The following CNPY3 variants were observed in gnomAD, a reference collection of about 807,000 sequenced individuals.
CNPY3 encodes the protein canopy FGF signaling regulator 3.
A neutral mutation model predicts 32.0 loss-of-function variants in CNPY3; 20 were observed. The observed-to-expected ratio is 0.63, with a 90% confidence interval of 0.44 to 0.91. The LOEUF is 0.91. CNPY3 is among the 40% of genes least tolerant of loss of function. The pLI is 0.00. For synonymous variants in CNPY3, 138 were observed against 142.9 expected (o/e 0.97, Z 0.24); for missense variants, 299 against 340.8 (o/e 0.88, Z 0.97).
At chr6:42,934,373 T>C in intron 1 of CNPY3, 102 bp from the exon 2 acceptor site, 1 of 1,474,892 alleles carries the variant, frequency 6.8e-7, no homozygotes, top group Non-Finnish European at 9.4e-7. Context: ...ATTTTGGTCC[T>C]CCAGTCTAGG....
chr6:42,929,473 C>T, upstream of CNPY3: 1 of 1,281,930 alleles, frequency 7.8e-7, no homozygotes, highest in East Asian at 2.5e-5. Flanking sequence ...TGCTCGGAGG[C>T]ACGTGTGCAG....
intron 4 of CNPY3, 99 bp from the exon 5 acceptor site, chr6:42,937,991 C>T: frequency 6.9e-7 from 1 of 1,445,762 alleles, no homozygotes; most frequent in Non-Finnish European, 9.7e-7. Context: ...GAACCGCTGC[C>T]ACTGCCTACC....
At chr6:42,933,037 G>A (rs1193729812) in intron 1 of CNPY3, among the ~76,000 whole-genome samples, 1 of 152,150 alleles carries the variant, frequency 6.6e-6, no homozygotes, top group East Asian at 1.9e-4. Flanking sequence ...GCACATTTTG[G>A]GGACCCTTGT....
At chr6:42,934,669 C>T in intron 2 of CNPY3, 71 bp downstream of exon 2, 1 of 1,597,160 alleles carries the variant, frequency 6.3e-7, no homozygotes, top group Non-Finnish European at 8.6e-7. Flanking sequence ...GAGTTCCCTT[C>T]TCCTAGCTAG....
At chr6:42,936,079 C>A (rs1458438263) in intron 3 of CNPY3, among the ~76,000 whole-genome samples, 1 of 152,184 alleles carries the variant, frequency 6.6e-6, no homozygotes, top group Admixed American at 6.5e-5. Context: ...CCTCCCACAA[C>A]CCCGCTGGGA....
At chr6:42,928,669 C>T (rs72866049), upstream of CNPY3, among the ~76,000 whole-genome samples, 3,842 of 152,222 alleles carry the variant, frequency 0.025, 65 homozygotes, top group Non-Finnish European at 0.037. Flanking sequence ...AAGGGAGAGA[C>T]AATCGTTAAT....
intron 1 of CNPY3, among the ~76,000 whole-genome samples, chr6:42,933,911 C>G (rs1256034896): frequency 6.6e-6 from 1 of 152,190 alleles, no homozygotes; most frequent in Non-Finnish European, 1.5e-5. Context: ...TGGCTCACGC[C>G]TGTAATCCCA....
intron 3 of CNPY3, 28 bp downstream of exon 3, chr6:42,935,698 C>T (rs757029420): frequency 3.1e-6 from 5 of 1,597,950 alleles, no homozygotes; most frequent in Non-Finnish European, 3.4e-6. Context: ...CCTTCATCCG[C>T]TCTGGGGTCA....
upstream of CNPY3, chr6:42,929,439 C>A: frequency 2.1e-6 from 2 of 962,462 alleles, no homozygotes; most frequent in Non-Finnish European, 1.5e-6. Context: ...GGAGGGCGGG[C>A]GGGAGGCTAG....
upstream of CNPY3, chr6:42,929,442 G>C (rs1194009569): frequency 2.0e-6 from 2 of 991,124 alleles, no homozygotes; most frequent in Non-Finnish European, 2.9e-6. Context: ...GGGCGGGCGG[G>C]AGGCTAGCTG....
At position 42,938,183 on chromosome 6, in the gene CNPY3, C is replaced by A; in HGVS notation, c.589C>A (p.His197Asn). Residue 197 changes from histidine to asparagine, a missense_variant, in exon 5 of 6, where the codon CAC becomes AAC. By Grantham distance (68) the His-to-Asn change is moderately conservative. Coordinates refer to ENST00000372836, the MANE Select transcript of CNPY3 (RefSeq NM_006586.5). ...EDLTEFLCANHVLKGKDTSCL... is the reference protein window; with the variant it reads ...EDLTEFLCANNVLKGKDTSCL... ...CCTGACTGAATTCCTCTGCGCCAAC[C>A]ACGTGCTGAAGGGAAAAGACACCAG... is the stretch of plus-strand genomic sequence containing the variant. 1 of 1,613,996 alleles carries A rather than the reference C, an allele frequency of 6.2e-7. No individual in the cohort carries two copies. Among genetic ancestry groups the A allele is most frequent in the Non-Finnish European group, 8.5e-7 (1 of 1,179,884 alleles).
At chr6:42,935,718 G>C in intron 3 of CNPY3, 48 bp downstream of exon 3, 1 of 1,563,002 alleles carries the variant, frequency 6.4e-7, no homozygotes, top group Non-Finnish European at 8.8e-7. Flanking sequence ...AGGCCTGCAT[G>C]TATCTTAGTG....
rs1313624356 is a variant in CNPY3, at chr6:42,929,648, G to C, written c.78G>C (p.Pro26=). The change falls in exon 1 of 6, where the codon CCG becomes CCC. Residue 26 remains proline, a synonymous_variant. Transcript: ENST00000372836. ...TGCTGCTGCTGCTGCTGCTGCTGCC[G>C]GCCCCGGAGCTGGGCCCGAGCCAGG... The part of the protein sequence containing the change: ...PLLLLLLLLL[P]APELGPSQAG... 6.4e-7 allele frequency: 1 copy of C among 1,553,954 alleles called. No homozygotes were observed. Among genetic ancestry groups the C allele is most frequent in the Non-Finnish European group, 8.7e-7 (1 of 1,149,592 alleles).
At chr6:42,934,323 G>T (rs1032973976) in intron 1 of CNPY3, 152 bp from the exon 2 acceptor site, 2 of 830,314 alleles carry the variant, frequency 2.4e-6, no homozygotes, top group South Asian at 1.7e-5. Flanking sequence ...AGTTGCTTTA[G>T]CCTCCACAGG....
At chr6:42,931,723 A>G (rs1362548713) in intron 1 of CNPY3, among the ~76,000 whole-genome samples, 2 of 149,274 alleles carry the variant, frequency 1.3e-5, no homozygotes, top group African/African-American at 2.5e-5. Flanking sequence ...TCTTATTATT[A>G]TTATTATTAT....
rs1768369436 is a variant in CNPY3 at position 42,938,207 on chromosome 6, A to C, written c.613A>C (p.Ser205Arg). ...CCACGTGCTGAAGGGAAAAGACACC[A>C]GTGAGTTTGGGGAAGCAAGGGCAGG... is the stretch of plus-strand genomic sequence containing the variant. ...ANHVLKGKDT[S>R]CLAEQWSGKK... is the part of the protein sequence containing the mutation. Residue 205 changes from serine to arginine, a missense_variant and splice_region_variant, in exon 5 of 6, where the codon AGT (serine) becomes CGT (arginine). Coordinates refer to ENST00000372836, the MANE Select transcript of CNPY3 (RefSeq NM_006586.5). The C allele has an allele frequency of 1.2e-6, 2 of 1,611,798 alleles. No individual in the cohort carries two copies. The highest frequency in any genetic ancestry group is 1.3e-5 in the African/African-American group (1 of 74,972).
intron 3 of CNPY3, 148 bp downstream of exon 3, chr6:42,935,818 T>G: frequency 1.1e-6 from 1 of 946,320 alleles, no homozygotes; most frequent in East Asian, 2.7e-5. Flanking sequence ...TTTGTGCTCC[T>G]CCCCTCTTGA....
intron 3 of CNPY3, 43 bp downstream of exon 3, chr6:42,935,713 T>A (rs1176454029): frequency 6.3e-7 from 1 of 1,578,118 alleles, no homozygotes; most frequent in East Asian, 2.3e-5. Flanking sequence ...GGGTCAGGCC[T>A]GCATGTATCT....
chr6:42,934,236 TA>T lies in CNPY3; in HGVS notation c.152-235del, dbSNP rs777336505. On this transcript the variant is annotated intron_variant, in intron 1 of 5. Coordinates refer to ENST00000372836, the MANE Select transcript of CNPY3 (RefSeq NM_006586.5). ...ATGCTCTTACACAAGAAACAGTAGA[TA>T]AAATAGAAATCCTAGAGGCATTCCT... Among the ~76,000 whole-genome samples the T allele has an allele frequency of 8.8e-4, 133 of 151,992 alleles. 1 individual carries two copies. Among genetic ancestry groups the T allele is most frequent in the Admixed American group, 5.5e-3 (84 of 15,266 alleles).
Sources: gnomAD v4.1 joint callset for allele counts (sites outside exome capture counted in the v4.1 genomes callset) on GRCh38, gnomAD v4.1.1 for gene constraint, MANE v1.5 for transcripts, NCBI Gene and HGNC (gene_info 2026-07-23, HGNC 2026-07-21) for gene names.